RNLS: variants seen among roughly 807,000 people sequenced by gnomAD.
The protein encoded by RNLS is renalase, FAD dependent amine oxidase, also known as renalase.
Under a neutral mutation model 39.8 loss-of-function variants are expected in RNLS, and 39 were observed. The ratio of observed to expected loss-of-function variants is 0.98; its 90% CI spans 0.76 to 1.28. The LOEUF (loss-of-function observed/expected upper bound fraction) is 1.28. RNLS is among the 50% of genes most tolerant of loss of function. The pLI, the probability that RNLS is intolerant of heterozygous loss-of-function variation, is 0.00. For synonymous variants in RNLS, 147 were observed against 150.7 expected, an observed-to-expected ratio of 0.98 and a Z score of 0.18; for missense variants, 410 against 413.3, an observed-to-expected ratio of 0.99 and a Z score of 0.07.
chr10:88,344,643 A>G (rs528880199), intron 5 of RNLS, among the ~76,000 whole-genome samples: 58 of 152,266 alleles, frequency 3.8e-4, no homozygotes, highest in African/African-American at 1.4e-3. Flanking sequence ...AATTAGGTTC[A>G]ACTGACCTCA....
intron 6 of RNLS, among the ~76,000 whole-genome samples, chr10:88,278,354 A>G (rs1714230325): frequency 6.6e-6 from 1 of 152,198 alleles, no homozygotes; most frequent in Admixed American, 6.5e-5. Context: ...GTTAAAATAT[A>G]TGGTGCAAGT....
At chr10:88,397,438 C>T (rs996011421) in intron 4 of RNLS, among the ~76,000 whole-genome samples, 3 of 151,890 alleles carry the variant, frequency 2.0e-5, no homozygotes, top group African/African-American at 7.2e-5. Flanking sequence ...AATGAAAACA[C>T]AATATACCAA....
Position 88,513,079 on chromosome 10 carries a change from C to A in RNLS, c.526+59824G>T, listed in dbSNP as rs370311244. ...CAGTGAATGCACATGATTCAAAATT[C>A]AAAAATGTAGAAAAAAATATACCTC... On this transcript the variant is annotated intron_variant, in intron 4 of 6. Transcript: ENST00000331772. 1.1e-3 allele frequency among the ~76,000 whole-genome samples: 174 copies of A among 152,150 alleles called. 1 individual carries two copies. The highest frequency in any genetic ancestry group is 4.0e-3 in the African/African-American group (167 of 41,538).
intron 3 of RNLS, among the ~76,000 whole-genome samples, chr10:88,579,626 A>G (rs1309785877): frequency 6.6e-6 from 1 of 152,188 alleles, no homozygotes; most frequent in Admixed American, 6.5e-5. Context: ...TTCAATAGGT[A>G]TACTCATCCA....
At chr10:88,330,517 A>G (rs1847033963) in intron 5 of RNLS, among the ~76,000 whole-genome samples, 1 of 152,156 alleles carries the variant, frequency 6.6e-6, no homozygotes, top group Admixed American at 6.5e-5. Flanking sequence ...GGCTTTTTAA[A>G]TAAAATCAGA....
chr10:88,406,016 A>G (rs1429563792), intron 4 of RNLS, among the ~76,000 whole-genome samples: 4 of 152,128 alleles, frequency 2.6e-5, no homozygotes, highest in South Asian at 4.1e-4. Flanking sequence ...TTCTTGGCTG[A>G]TAATTGTTTT....
chr10:88,199,235 G>A, the RNLS span, among the ~76,000 whole-genome samples: 13 of 152,252 alleles, frequency 8.5e-5, no homozygotes, highest in Non-Finnish European at 1.5e-4. Flanking sequence ...ACTGCTGTGC[G>A]GTGGAAACAT....
At chr10:88,431,056 A>G (rs1855108604) in intron 4 of RNLS, among the ~76,000 whole-genome samples, 1 of 151,652 alleles carries the variant, frequency 6.6e-6, no homozygotes, top group South Asian at 2.1e-4. Flanking sequence ...GATTGGTATT[A>G]TGTCTTAAAT....
the RNLS span, among the ~76,000 whole-genome samples, chr10:88,180,480 TACAGAA>T: frequency 6.6e-6 from 1 of 152,184 alleles, no homozygotes; most frequent in East Asian, 1.9e-4. Context: ...CACTATATCT[TACAGAA>T]ACAGTTTTTG....
At chr10:88,524,956 C>CACACATATATAT (rs768939981) in intron 4 of RNLS, among the ~76,000 whole-genome samples, 13 of 76,266 alleles carry the variant, frequency 1.7e-4, no homozygotes, top group East Asian at 1.2e-3. Flanking sequence ...ATGGCACACA[C>CACACATATATAT]ATACATATAT....
intron 4 of RNLS, among the ~76,000 whole-genome samples, chr10:88,415,674 T>A (rs1853971540): frequency 6.6e-6 from 1 of 152,206 alleles, no homozygotes; most frequent in Non-Finnish European, 1.5e-5. Context: ...CTCATTGGGT[T>A]GCTGTTAGGA....
chr10:88,222,593 T>C, the RNLS span, among the ~76,000 whole-genome samples: 1 of 152,166 alleles, frequency 6.6e-6, no homozygotes, highest in Non-Finnish European at 1.5e-5. Context: ...TCCCGGAATA[T>C]TGCTTTTTTT....
the RNLS span, among the ~76,000 whole-genome samples, chr10:88,221,320 C>T: frequency 6.6e-6 from 1 of 152,226 alleles, no homozygotes; most frequent in East Asian, 1.9e-4. Context: ...AACTGGTCAG[C>T]AGTACCACTT....
At chr10:88,254,248 T>C in the RNLS span, among the ~76,000 whole-genome samples, 1 of 152,196 alleles carries the variant, frequency 6.6e-6, no homozygotes, top group Non-Finnish European at 1.5e-5. Context: ...CCCAGGGCCA[T>C]GGTGTAACTG....
intron 5 of RNLS, among the ~76,000 whole-genome samples, chr10:88,317,896 G>A (rs1027208818): frequency 3.8e-4 from 58 of 152,180 alleles, no homozygotes; most frequent in African/African-American, 1.4e-3. Context: ...GGGGTAGTGG[G>A]TGTGCTTCTC....
intron 6 of RNLS, among the ~76,000 whole-genome samples, chr10:88,293,457 A>G (rs1843828505): frequency 6.6e-6 from 1 of 152,164 alleles, no homozygotes; most frequent in Non-Finnish European, 1.5e-5. Flanking sequence ...CCAAAAGGCA[A>G]TCTGTGGCAA....
chr10:88,371,588 T>G (rs1850561215), intron 4 of RNLS, among the ~76,000 whole-genome samples: 1 of 152,180 alleles, frequency 6.6e-6, no homozygotes, highest in African/African-American at 2.4e-5. Flanking sequence ...GATTTGTCTT[T>G]GGAAATTAAT....
the RNLS span, among the ~76,000 whole-genome samples, chr10:88,263,302 G>A: frequency 5.9e-5 from 9 of 151,908 alleles, no homozygotes; most frequent in African/African-American, 1.9e-4. Flanking sequence ...GGGGCATGTG[G>A]GATCTCTGAG....
intron 4 of RNLS, among the ~76,000 whole-genome samples, chr10:88,500,611 T>C (rs1312403082): frequency 6.6e-6 from 1 of 152,176 alleles, no homozygotes; most frequent in African/African-American, 2.4e-5. Context: ...TCATGCTATT[T>C]AATGTTGACA....
Sources: gnomAD v4.1 joint callset for allele counts (sites outside exome capture counted in the v4.1 genomes callset) on GRCh38, gnomAD v4.1.1 for gene constraint, MANE v1.5 for transcripts, NCBI Gene and HGNC (gene_info 2026-07-23, HGNC 2026-07-21) for gene names.